SPDYE18: variants seen among roughly 807,000 people sequenced by gnomAD.
The protein encoded by SPDYE18 is speedy/RINGO cell cycle regulator family member E18.
SPDYE18 carries 6 observed loss-of-function variants against 44.9 expected under a neutral mutation model. The observed-to-expected ratio is 0.13, with a 90% CI of 0.07 to 0.26. The LOEUF (loss-of-function observed/expected upper bound fraction) is 0.26, where lower values mean the gene tolerates loss of function less well. SPDYE18 is among the 10% of genes least tolerant of loss of function. The probability of loss-of-function intolerance (pLI) is 1.00; values close to 1 mark genes in which losing one functional copy is unlikely to be tolerated. For missense variants in SPDYE18, 121 were observed against 463.2 expected (o/e 0.26, Z 6.78); for synonymous variants, 35 against 177.1 (o/e 0.20, Z 6.37).
chr7:77,061,578 C>G (rs1159891181), intron 1 of SPDYE18, among the ~76,000 whole-genome samples: 1 of 114,334 alleles, frequency 8.7e-6, no homozygotes, highest in Non-Finnish European at 1.7e-5. Flanking sequence ...GTATAGGCAA[C>G]ATAGCAAGAG....
In SPDYE18 at chr7:77,062,555, G is replaced by A. The variant is rs528534062; in HGVS notation, c.-481C>T. ...CAGATCTGGGGTCTGTCTCTGCTGA[G>A]GGTGGGGTGAACCAGGAAGCACCTC... On this transcript the variant is annotated 5_prime_UTR_variant, in exon 1 of 9. Coordinates refer to ENST00000510091, the MANE Select transcript of SPDYE18 (RefSeq NM_001394953.1). 6.6e-6 allele frequency among the ~76,000 whole-genome samples: 1 copy of A among 152,172 alleles called. No homozygotes were observed. The highest frequency in any genetic ancestry group is 6.5e-5 in the Admixed American group (1 of 15,274).
intron 4 of SPDYE18, among the ~76,000 whole-genome samples, chr7:77,057,014 CTT>C (rs1201278867): frequency 6.6e-6 from 1 of 152,228 alleles, no homozygotes; most frequent in Non-Finnish European, 1.5e-5. Context: ...CAGTAAGAGA[CTT>C]TAAGTTTCAG....
Position 77,060,481 on chromosome 7 carries a change from C to G in SPDYE18, c.32G>C (p.Arg11Thr). ...CGTGATCTTTCCCGTAATCTGTCCC[C>G]TCTTACGGAACCTAGTCTTCGTTCT... MDRTKTRFRK[R>T]GQITGKITTS... Residue 11 changes from arginine to threonine, a missense_variant, in exon 2 of 9, where the codon AGG becomes ACG. By Grantham distance (71) the Arg-to-Thr change is moderately conservative. Coordinates refer to ENST00000510091, the MANE Select transcript of SPDYE18 (RefSeq NM_001394953.1). 1 of 1,535,302 alleles carries G rather than the reference C, an allele frequency of 6.5e-7. No homozygotes were observed. The highest frequency in any genetic ancestry group is 2.4e-5 in the East Asian group (1 of 40,924).
intron 8 of SPDYE18, among the ~76,000 whole-genome samples, chr7:77,052,266 G>A (rs1451189346): frequency 6.6e-6 from 1 of 151,778 alleles, no homozygotes; most frequent in Non-Finnish European, 1.5e-5. Flanking sequence ...ACAACATCAC[G>A]AACCACGAGT....
At chr7:77,053,946 G>C (rs1236284985) in intron 6 of SPDYE18, among the ~76,000 whole-genome samples, 1 of 146,850 alleles carries the variant, frequency 6.8e-6, no homozygotes, top group African/African-American at 2.5e-5. Context: ...GGATATGGAG[G>C]CTGCAGTGAG....
chr7:77,062,223 A>G (rs942217630), intron 1 of SPDYE18, among the ~76,000 whole-genome samples: 1 of 144,848 alleles, frequency 6.9e-6, no homozygotes, highest in African/African-American at 2.5e-5. Flanking sequence ...CACACACTGA[A>G]AGAGGAAGCA....
intron 6 of SPDYE18, among the ~76,000 whole-genome samples, chr7:77,054,276 G>C (rs1463119425): frequency 6.7e-6 from 1 of 149,578 alleles, no homozygotes; most frequent in Non-Finnish European, 1.5e-5. Context: ...ACACAAAGTC[G>C]AGTGGAGGGC....
chr7:77,060,375 A>T lies in SPDYE18; in HGVS notation c.138T>A (p.Asp46Glu). ...CACCTGATGGTCCCAACACTTCATCATCCACCACCTCCTGGAGGGGGTACC... is the reference window on the plus strand; with the variant it reads ...CACCTGATGGTCCCAACACTTCATCTTCCACCACCTCCTGGAGGGGGTACC... ...TSGYPLQEVV[D>E]DEVLGPSAPG... The change falls in exon 2 of 9, where the codon GAT becomes GAA. Residue 46 changes from aspartate (D) to glutamate (E), a missense_variant. Transcript: ENST00000510091. 1.3e-6 allele frequency: 2 copies of T among 1,535,350 alleles called. No individual in the cohort carries two copies. Among genetic ancestry groups the T allele is most frequent in the South Asian group, 2.4e-5 (2 of 83,958 alleles).
intron 6 of SPDYE18, among the ~76,000 whole-genome samples, chr7:77,053,968 C>T (rs1789869350): frequency 6.7e-6 from 1 of 149,568 alleles, no homozygotes; most frequent in Non-Finnish European, 1.5e-5. Flanking sequence ...TATGATCTCA[C>T]CACTGCACTC....
rs1276730699 is a variant in SPDYE18 at position 77,051,811 on chromosome 7, C to T, written c.*114G>A. ...GCACAAATGGTTCCTCTCCTCTTTC[C>T]TGTTGTCTGCCATTAGCATTGGAAT... On this transcript the variant is annotated 3_prime_UTR_variant, in exon 9 of 9. Transcript: ENST00000510091. 6.6e-6 allele frequency among the ~76,000 whole-genome samples: 1 copy of T among 151,900 alleles called. No homozygotes were observed. The highest frequency in any genetic ancestry group is 2.4e-5 in the African/African-American group (1 of 41,442).
chr7:77,060,771 A>G lies in SPDYE18; in HGVS notation c.-259T>C, dbSNP rs1244329542. 1.3e-5 allele frequency among the ~76,000 whole-genome samples: 2 copies of G among 150,366 alleles called. No individual in the cohort carries two copies. The highest frequency in any genetic ancestry group is 4.9e-5 in the African/African-American group (2 of 40,612). On this transcript the variant is annotated 5_prime_UTR_variant, in exon 2 of 9. Coordinates refer to ENST00000510091, the MANE Select transcript of SPDYE18 (RefSeq NM_001394953.1). ...GTCCTGGAGATCCTGGGTGAATGGT[A>G]TCTCCTGCCACTGTCCCAACCTCAG...
At chr7:77,053,813 TGA>T (rs1194353231) in intron 6 of SPDYE18, among the ~76,000 whole-genome samples, 1 of 150,176 alleles carries the variant, frequency 6.7e-6, no homozygotes, top group Non-Finnish European at 1.5e-5. Context: ...CATTCCAGCC[TGA>T]GAGGCAGAGC....
chr7:77,061,203 G>A (rs1790017040), intron 1 of SPDYE18, among the ~76,000 whole-genome samples: 2 of 119,538 alleles, frequency 1.7e-5, no homozygotes, highest in African/African-American at 3.2e-5. Flanking sequence ...GGGTACACAC[G>A]TCCTCTGCCC....
In SPDYE18 at chr7:77,051,009, G is replaced by A. The variant is rs150432841; in HGVS notation, c.*916C>T. Reference sequence around the variant, plus strand: ...ATAAATTAGATAGTATGTATTAGACGTGTTAGTATATATATCTGAGACATG... The same window carrying A: ...ATAAATTAGATAGTATGTATTAGACATGTTAGTATATATATCTGAGACATG... On this transcript the variant is annotated 3_prime_UTR_variant, in exon 9 of 9. Transcript: ENST00000510091. Among the ~76,000 whole-genome samples the A allele has an allele frequency of 0.11, 16,863 of 148,768 alleles. 121 individuals are homozygous for A. Among genetic ancestry groups the A allele is most frequent in the African/African-American group, 0.27 (10,493 of 39,412 alleles).
rs1395104351 is a variant in SPDYE18 at position 77,055,277 on chromosome 7, G to A, written c.714C>T (p.Leu238=). The change falls in exon 6 of 9, where the codon CTC becomes CTT. Residue 238 remains leucine (L), a synonymous_variant. Transcript: ENST00000510091. The part of the protein sequence containing the change: ...MVIAYFSRAG[L]PSWQYQRIHF... ...GAATGCGTTGGTATTGCCAGGAGGG[G>A]AGGCCGGCCCGGCTGAAATACGCTA... is the stretch of plus-strand genomic sequence containing the variant. 1 of 1,426,614 alleles carries A rather than the reference G, an allele frequency of 7.0e-7. No homozygotes were observed. The highest frequency in any genetic ancestry group is 1.4e-5 in the African/African-American group (1 of 71,384). 88.4% of individuals were successfully genotyped at this position (1,426,614 alleles called of 1,614,324 possible). A position where few individuals can be genotyped will look rare whatever the true frequency, so the allele number is the denominator to read the frequency against.
chr7:77,051,500 T>A lies in SPDYE18; in HGVS notation c.*425A>T, dbSNP rs1364112455. On this transcript the variant is annotated 3_prime_UTR_variant, in exon 9 of 9. Transcript: ENST00000510091. The stretch of plus-strand genomic sequence containing the variant: ...ATTTCACAAAAGAATTCTGTGCCAA[T>A]CTGAGCCCCTGCATTGTGCCTTCAA... Among the ~76,000 whole-genome samples the A allele has an allele frequency of 2.2e-4, 34 of 152,392 alleles. No individual in the cohort carries two copies. Among genetic ancestry groups the A allele is most frequent in the African/African-American group, 7.7e-4 (32 of 41,594 alleles).
At chr7:77,062,330 G>T (rs3972473) in intron 1 of SPDYE18, among the ~76,000 whole-genome samples, 166 bp downstream of exon 1, 2 of 148,214 alleles carry the variant, frequency 1.3e-5, no homozygotes, top group Non-Finnish European at 3.0e-5. Context: ...AGCTGGGTGG[G>T]TCCTCCTACA....
intron 2 of SPDYE18, among the ~76,000 whole-genome samples, chr7:77,059,603 C>T (rs866372209): frequency 9.9e-5 from 15 of 151,440 alleles, no homozygotes; most frequent in African/African-American, 3.6e-4. Flanking sequence ...CCTCCGAACA[C>T]TGCTTCATGT....
At chr7:77,053,293 T>C (rs71231793) in intron 6 of SPDYE18, 90 bp from the exon 7 acceptor site, 142,075 of 1,361,738 alleles carry the variant, frequency 0.1, 20,641 homozygotes, top group East Asian at 0.53. Flanking sequence ...GGTAAGGGAC[T>C]GTCCCTAGCT....
Sources: allele counts gnomAD v4.1 joint callset (sites outside exome capture counted in the v4.1 genomes callset), GRCh38; gene constraint gnomAD v4.1.1; transcripts MANE v1.5; gene names NCBI Gene and HGNC (gene_info 2026-07-23, HGNC 2026-07-21).